The following FRMD8 variants were observed in gnomAD, a reference collection of about 807,000 sequenced individuals.
The protein encoded by FRMD8 is FERM domain containing 8.
FRMD8 carries 37 observed loss-of-function variants against 54.2 expected under a neutral mutation model. That is an observed-to-expected ratio of 0.68 (90% CI 0.53 to 0.90). FRMD8 has a LOEUF of 0.90. FRMD8 is among the 40% of genes least tolerant of loss of function. The pLI is 0.00. For synonymous variants in FRMD8, 246 were observed against 286.9 expected (o/e 0.86, Z 1.44); for missense variants, 585 against 653.7 (o/e 0.89, Z 1.15).
chr11:65,379,438 G>A, the FRMD8 span: 99 of 1,613,624 alleles, frequency 6.1e-5, no homozygotes, highest in East Asian at 2.0e-4. Flanking sequence ...GGCTGGGCCC[G>A]CCGCTCCTGG....
chr11:65,377,451 G>T, the FRMD8 span: 5 of 1,034,996 alleles, frequency 4.8e-6, no homozygotes, highest in Non-Finnish European at 4.7e-6. Flanking sequence ...CCAAGTGAAG[G>T]ATTCAGCCTG....
rs1856342356 is a variant in FRMD8 at position 65,411,893 on chromosome 11, C to A, written c.*533C>A. ...CTTCCTCCTGCTGGTGCTCCATCCC[C>A]CAATACCAGGCTGGGCCACCACTCT... On this transcript the variant is annotated 3_prime_UTR_variant, in exon 11 of 11. Transcript: ENST00000317568. The A allele has an allele frequency of 6.5e-6, 1 of 152,682 alleles. No homozygotes were observed. The allele number at this position is 152,682 out of a possible 1,614,324, so 9.5% of individuals were successfully genotyped here. A position where few individuals can be genotyped will look rare whatever the true frequency, so the allele number is the denominator to read the frequency against.
At chr11:65,388,716 G>A (rs1430184676) in intron 2 of FRMD8, among the ~76,000 whole-genome samples, 3 of 152,120 alleles carry the variant, frequency 2.0e-5, no homozygotes, top group Admixed American at 6.6e-5. Flanking sequence ...AGCCTGCTTC[G>A]TATTGACTCC....
Position 65,412,049 on chromosome 11 carries a change from C to T in FRMD8, c.*689C>T, listed in dbSNP as rs552067586. ...GCCCTACCTGGGGTCCTGTGCCCCT[C>T]GTTCTGGTCTCCTTTGCAGGCACGA... On this transcript the variant is annotated 3_prime_UTR_variant, in exon 11 of 11. Coordinates refer to ENST00000317568, the MANE Select transcript of FRMD8 (RefSeq NM_031904.5). The T allele has an allele frequency of 2.6e-5, 4 of 152,354 alleles. No individual in the cohort carries two copies. The highest frequency in any genetic ancestry group is 1.9e-4 in the East Asian group (1 of 5,182). The allele number at this position is 152,354 out of a possible 1,614,324, so 9.4% of individuals were successfully genotyped here.
the FRMD8 span, chr11:65,380,389 G>A: frequency 4.3e-6 from 4 of 922,958 alleles, no homozygotes; most frequent in Non-Finnish European, 6.5e-6. Context: ...TGGGACAAGG[G>A]ACTAAGACCC....
chr11:65,371,470 C>G, the FRMD8 span, among the ~76,000 whole-genome samples: 2 of 152,234 alleles, frequency 1.3e-5, no homozygotes, highest in African/African-American at 2.4e-5. Context: ...AACCTCAAAG[C>G]AGGTTCACAG....
chr11:65,368,066 GGT>G, the FRMD8 span: 1 of 86,556 alleles, frequency 1.2e-5, no homozygotes, highest in Non-Finnish European at 2.5e-5. Context: ...GATTTTTTTT[GGT>G]GTTTTTTTTT....
rs200005305 is a variant in FRMD8 at position 65,405,036 on chromosome 11, A to G, written c.1244A>G (p.Gln415Arg). The G allele has an allele frequency of 9.9e-6, 16 of 1,613,530 alleles. No individual in the cohort carries two copies. Among genetic ancestry groups the G allele is most frequent in the Middle Eastern group, 1.6e-4 (1 of 6,062 alleles). ...RQGSVVSSRI[Q>R]HLSTIDYVED... ...GGCAGTGTGGTGTCCAGCCGGATCC[A>G]GCATCTCTCCACCATCGACTACGTG... Residue 415 changes from glutamine (Q) to arginine (R), a missense_variant, in exon 10 of 11, where the codon CAG (glutamine) becomes CGG (arginine). Gln to Arg is a conservative substitution (Grantham distance 43, BLOSUM62 1). Transcript: ENST00000317568.
At chr11:65,402,275 A>T (rs1231901560) in intron 9 of FRMD8, among the ~76,000 whole-genome samples, 1 of 151,970 alleles carries the variant, frequency 6.6e-6, no homozygotes, top group Non-Finnish European at 1.5e-5. Flanking sequence ...AATCACTTGA[A>T]CTGGGGAGGC....
chr11:65,387,149 AC>A, intron 2 of FRMD8, 28 bp downstream of exon 2: 1 of 1,578,152 alleles, frequency 6.3e-7, no homozygotes, highest in Non-Finnish European at 8.6e-7. Context: ...CTCCTCTTCC[AC>A]ACCCTCCTGG....
At chr11:65,380,539 C>T in the FRMD8 span, 8,200 of 1,360,236 alleles carry the variant, frequency 6.0e-3, 463 homozygotes, top group African/African-American at 0.11. Flanking sequence ...CCCACCTCTC[C>T]GAGAGCTTTA....
chr11:65,389,241 A>C (rs1855791407), intron 2 of FRMD8, 120 bp from the exon 3 acceptor site: 1 of 898,066 alleles, frequency 1.1e-6, no homozygotes, highest in Admixed American at 2.1e-5. Context: ...AGCCCTGGTC[A>C]CCCCTGAGGG....
the FRMD8 span, among the ~76,000 whole-genome samples, chr11:65,374,171 G>GATGGCCTCCAGCCATCTGCAGCAC: frequency 0.028 from 4,229 of 152,206 alleles, 189 homozygotes; most frequent in African/African-American, 0.096. Flanking sequence ...ACTAGTTGCA[G>GATGGCCTCCAGCCATCTGCAGCAC]ATGGCCTCCA....
intron 3 of FRMD8, among the ~76,000 whole-genome samples, chr11:65,393,040 G>C (rs1461709085): frequency 6.6e-6 from 1 of 152,234 alleles, no homozygotes; most frequent in Non-Finnish European, 1.5e-5. Flanking sequence ...GGGAGGGCCA[G>C]GCAGGAGCTG....
In FRMD8 at chr11:65,404,419, C is replaced by A. The variant is rs1360392217; in HGVS notation, c.1072-445C>A. Among the ~76,000 whole-genome samples the A allele has an allele frequency of 1.3e-5, 2 of 152,058 alleles. No homozygotes were observed. The highest frequency in any genetic ancestry group is 4.1e-4 in the South Asian group (2 of 4,828). ...TTGAGTAGGAGTCACTTTTGAAGAA[C>A]GTGCTGGCAGGGAGCCGCCCGCCCC... On this transcript the variant is annotated intron_variant, in intron 9 of 10. Transcript: ENST00000317568. The surrounding 1 kb of genome is among the most constrained non-coding windows in gnomAD (Gnocchi z 4.7).
rs1855906697 is a variant in FRMD8 at position 65,394,431 on chromosome 11, G to C, written c.581+6G>C. ...CCGGCAGCCTGCGACCTGAGGTGAG[G>C]GCCTGTGTGACTTGAGGCGGGGGCG... On this transcript the variant is annotated splice_donor_region_variant and intron_variant, in intron 6 of 10. Coordinates refer to ENST00000317568, the MANE Select transcript of FRMD8 (RefSeq NM_031904.5). The C allele has an allele frequency of 6.4e-7, 1 of 1,563,648 alleles. No individual in the cohort carries two copies. The highest frequency in any genetic ancestry group is 1.2e-5 in the South Asian group (1 of 86,046).
chr11:65,394,974 C>A (rs138304131), intron 6 of FRMD8, among the ~76,000 whole-genome samples: 4 of 152,234 alleles, frequency 2.6e-5, no homozygotes, highest in African/African-American at 7.2e-5. Context: ...GGGCCGGACG[C>A]GGTGGCCCAG....
chr11:65,397,821 C>T (rs570877985), intron 7 of FRMD8, among the ~76,000 whole-genome samples: 1 of 151,932 alleles, frequency 6.6e-6, no homozygotes, highest in Admixed American at 6.6e-5. Flanking sequence ...AAGCAAGCCT[C>T]CTGAGTCGCT....
chr11:65,379,990 C>A, the FRMD8 span: 1 of 1,607,302 alleles, frequency 6.2e-7, no homozygotes, highest in East Asian at 2.2e-5. Context: ...GGTGGGCCAA[C>A]CTTTCCCTCT....
Sources: allele counts gnomAD v4.1 joint callset (sites outside exome capture counted in the v4.1 genomes callset), GRCh38; gene constraint gnomAD v4.1.1; non-coding constraint Gnocchi (gnomAD v3.1); transcripts MANE v1.5; gene names NCBI Gene and HGNC (gene_info 2026-07-23, HGNC 2026-07-21).